The following GNE variants were observed in gnomAD, a reference collection of about 807,000 sequenced individuals.
The protein encoded by GNE is glucosamine (UDP-N-acetyl)-2-epimerase/N-acetylmannosamine kinase.
A neutral mutation model predicts 61.8 loss-of-function variants in GNE; 41 were observed. The observed-to-expected ratio is 0.66, with a 90% CI of 0.52 to 0.86. The LOEUF (loss-of-function observed/expected upper bound fraction) is 0.86. Among genes scored for constraint, GNE ranks in the 40% least tolerant of loss-of-function variants. GNE has a pLI of 0.00. For missense variants in GNE, 608 were observed against 909.1 expected, an observed-to-expected ratio of 0.67 and a Z score of 4.26; for synonymous variants, 264 against 326.4, an observed-to-expected ratio of 0.81 and a Z score of 2.06.
At chr9:36,258,121 G>A (rs1331729615) in intron 1 of GNE, among the ~76,000 whole-genome samples, 200 bp downstream of exon 1, 1 of 152,208 alleles carries the variant, frequency 6.6e-6, no homozygotes, top group African/African-American at 2.4e-5. Context: ...ACACGGCGGA[G>A]CCCTGAATTG....
chr9:36,229,122 G>A lies in GNE; in HGVS notation c.983-14C>T. 7.0e-7 allele frequency: 1 copy of A among 1,433,994 alleles called. No individual in the cohort carries two copies. Among genetic ancestry groups the A allele is most frequent in the Non-Finnish European group, 9.8e-7 (1 of 1,015,472 alleles). 88.8% of individuals were successfully genotyped at this position (1,433,994 alleles called of 1,614,324 possible). ...GAACATTCTCCCCTAGGTAAAACCA[G>A]TGACACATTACAAGGATTTGGAAGT... is the stretch of plus-strand genomic sequence containing the variant. On this transcript the variant is annotated splice_polypyrimidine_tract_variant and intron_variant, in intron 5 of 11. Coordinates refer to ENST00000642385, the MANE Select transcript of GNE (RefSeq NM_005476.7).
chr9:36,221,423 C>A (rs1828581852), intron 9 of GNE, among the ~76,000 whole-genome samples: 1 of 152,162 alleles, frequency 6.6e-6, no homozygotes, highest in Non-Finnish European at 1.5e-5. Context: ...GCTGGCTTAA[C>A]CGCTTATTAG....
chr9:36,255,209 T>C (rs1290409472), intron 1 of GNE, among the ~76,000 whole-genome samples: 1 of 152,048 alleles, frequency 6.6e-6, no homozygotes, highest in Non-Finnish European at 1.5e-5. Flanking sequence ...TGCCTCACAG[T>C]ATTTTTCTTT....
chr9:36,222,099 G>A (rs1172699766), intron 9 of GNE, among the ~76,000 whole-genome samples: 12 of 152,174 alleles, frequency 7.9e-5, no homozygotes, highest in African/African-American at 2.9e-4. Flanking sequence ...TCCTAGTGCT[G>A]AGGGGGTTAC....
chr9:36,222,091 C>T (rs1029435309), intron 9 of GNE, among the ~76,000 whole-genome samples: 1 of 152,146 alleles, frequency 6.6e-6, no homozygotes, highest in African/African-American at 2.4e-5. Flanking sequence ...AGGAACTATC[C>T]TAGTGCTGAG....
chr9:36,260,742 G>T (rs560655032), upstream of GNE, among the ~76,000 whole-genome samples: 1 of 151,430 alleles, frequency 6.6e-6, no homozygotes, highest in Non-Finnish European at 1.5e-5. Flanking sequence ...GGTGGCGGGC[G>T]CCTGTAGTCC....
chr9:36,258,473 A>G (rs1830491356), upstream of GNE: 3 of 984,780 alleles, frequency 3.0e-6, no homozygotes, highest in Admixed American at 1.9e-4. Context: ...CCTTGTCCCC[A>G]CTCCTCGCTC....
In GNE at chr9:36,218,067, C is replaced by G. The variant is rs755261677; in HGVS notation, c.1933+116G>C. ...AGTAATTAGGAAAGAAACCTCTGAA[C>G]AGACACTGCAAAGCACCTGTCCCTA... On this transcript the variant is annotated intron_variant, in intron 11 of 11. Transcript: ENST00000642385. This position sits in a 1 kb window ranked among gnomAD's most constrained non-coding sequence, Gnocchi z 4.1. The G allele has an allele frequency of 1.0e-5, 8 of 790,782 alleles. No individual in the cohort carries two copies. Among genetic ancestry groups the G allele is most frequent in the Admixed American group, 1.7e-5 (1 of 58,914 alleles). The allele number at this position is 790,782 out of a possible 1,614,324, so 49.0% of individuals were successfully genotyped here. A position where few individuals can be genotyped will look rare whatever the true frequency, so the allele number is the denominator to read the frequency against.
intron 1 of GNE, among the ~76,000 whole-genome samples, chr9:36,252,770 A>G (rs897411800): frequency 2.0e-5 from 3 of 152,212 alleles, no homozygotes; most frequent in Non-Finnish European, 4.4e-5. Context: ...ACAAGAGGTT[A>G]AGTAGCAATA....
intron 2 of GNE, among the ~76,000 whole-genome samples, chr9:36,246,830 A>T (rs1247413357): frequency 6.6e-6 from 1 of 151,456 alleles, no homozygotes; most frequent in Non-Finnish European, 1.5e-5. Context: ...CACCACACCC[A>T]GCTAATTTTT....
intron 1 of GNE, 29 bp from the exon 2 acceptor site, chr9:36,249,426 A>G: frequency 6.8e-7 from 1 of 1,466,680 alleles, no homozygotes; most frequent in Non-Finnish European, 9.5e-7. Context: ...AAACTTTATA[A>G]TCAGAATAAC....
At position 36,216,377 on chromosome 9, in the gene GNE, C is replaced by G. The variant is rs916769105; in HGVS notation, c.*988G>C. ...TGTAGACGGAGTCTCGCTCTGTCAC[C>G]CAGGGTGGAGTGCAGTGGCATGATC... On this transcript the variant is annotated 3_prime_UTR_variant, in exon 12 of 12. Transcript: ENST00000642385. 1 of 227,876 alleles carries G rather than the reference C, an allele frequency of 4.4e-6. No homozygotes were observed. The highest frequency in any genetic ancestry group is 2.6e-5 in the South Asian group (1 of 38,828). 14.1% of individuals were successfully genotyped at this position (227,876 alleles called of 1,614,324 possible).
intron 3 of GNE, among the ~76,000 whole-genome samples, chr9:36,241,938 C>T (rs1374146031): frequency 2.0e-5 from 3 of 152,010 alleles, no homozygotes; most frequent in Non-Finnish European, 4.4e-5. Context: ...GAGTTCGAGA[C>T]GAACTTGGCG....
intron 4 of GNE, among the ~76,000 whole-genome samples, chr9:36,236,014 G>A (rs751124224): frequency 2.0e-5 from 3 of 152,210 alleles, no homozygotes; most frequent in Non-Finnish European, 2.9e-5. Flanking sequence ...TGGTAAGCAA[G>A]TGATCAGCCA....
chr9:36,222,668 T>C (rs1410859658), intron 9 of GNE, 109 bp downstream of exon 9: 2 of 831,138 alleles, frequency 2.4e-6, no homozygotes, highest in East Asian at 4.8e-5. Context: ...CAGGCTCTAG[T>C]CATGCAGGAA....
intron 1 of GNE, chr9:36,263,465 TAC>T (rs1253024915): frequency 6.5e-6 from 1 of 154,824 alleles, no homozygotes; most frequent in Non-Finnish European, 1.5e-5. Context: ...GCGCCCGACC[TAC>T]AGTCATCATT....
rs369119154 is a variant in GNE, at chr9:36,222,788, A to G, written c.1622T>C (p.Ile541Thr). ...CCTACCCCTCTTACCTGTGCCTGTGATAAGTGTAACAAAGTTTTCCAGTCC... is the reference window on the plus strand; with the variant it reads ...CCTACCCCTCTTACCTGTGCCTGTGGTAAGTGTAACAAAGTTTTCCAGTCC... ...GKGLENFVTL[I>T]TGTGIGGGII... Residue 541 changes from isoleucine to threonine, a missense_variant, in exon 9 of 12, where the codon ATC becomes ACC. Physicochemically the swap from Ile to Thr is moderately conservative, Grantham distance 89. Transcript: ENST00000642385. 34 of 1,611,610 alleles carry G rather than the reference A, an allele frequency of 2.1e-5. No individual in the cohort carries two copies. Among genetic ancestry groups the G allele is most frequent in the Non-Finnish European group, 2.7e-5 (32 of 1,177,846 alleles).
chr9:36,241,700 A>T (rs1829634131), intron 3 of GNE, among the ~76,000 whole-genome samples: 1 of 152,154 alleles, frequency 6.6e-6, no homozygotes, highest in South Asian at 2.1e-4. Context: ...GCCTTTCATT[A>T]TTAGGAATTT....
chr9:36,270,348 T>G (rs1011742189), intron 1 of GNE, among the ~76,000 whole-genome samples: 3 of 152,114 alleles, frequency 2.0e-5, no homozygotes, highest in African/African-American at 7.2e-5. Context: ...ATATTTATAA[T>G]CAATGTAAAT....
Sources: allele counts gnomAD v4.1 joint callset (sites outside exome capture counted in the v4.1 genomes callset), GRCh38; gene constraint gnomAD v4.1.1; non-coding constraint Gnocchi (gnomAD v3.1); transcripts MANE v1.5; gene names NCBI Gene and HGNC (gene_info 2026-07-23, HGNC 2026-07-21).